NKAIN3: variants seen among roughly 807,000 people sequenced by gnomAD.
NKAIN3 encodes sodium/potassium-transporting ATPase subunit beta-1-interacting protein 3.
Under a neutral mutation model 30.2 loss-of-function variants are expected in NKAIN3, and 25 were observed. That is an observed-to-expected ratio of 0.83 (90% confidence interval 0.60 to 1.16). The LOEUF is 1.16. Among genes scored for constraint, NKAIN3 ranks in the 50% most tolerant of loss-of-function variants. NKAIN3 has a pLI of 0.00. For missense variants in NKAIN3, 225 were observed against 254.1 expected (o/e 0.89, Z 0.78); for synonymous variants, 91 against 89.6 (o/e 1.02, Z -0.09).
In NKAIN3 at chr8:62,938,215, G is replaced by A. The variant is rs1326920412; in HGVS notation, c.533-15687G>A. On this transcript the variant is annotated intron_variant, in intron 5 of 6. Coordinates refer to ENST00000623646, the MANE Select transcript of NKAIN3 (RefSeq NM_001304533.3). The stretch of plus-strand genomic sequence containing the variant: ...GAGTGCTCCTCCAGGTGACCGTAGG[G>A]GAAGTTTGTATCCTCCCTATACTAC... Among the ~76,000 whole-genome samples, 9 of 152,028 alleles carry A rather than the reference G, an allele frequency of 5.9e-5. No individual in the cohort carries two copies. In the East Asian group the frequency reaches 1.4e-3, roughly 23 times the overall value.
chr8:62,290,952 C>T (rs869240620), intron 1 of NKAIN3, among the ~76,000 whole-genome samples: 1 of 152,082 alleles, frequency 6.6e-6, no homozygotes, highest in East Asian at 1.9e-4. Context: ...CCACTTCTTC[C>T]TGGTTTAGTC....
At chr8:62,394,981 G>T (rs1235848646) in intron 1 of NKAIN3, among the ~76,000 whole-genome samples, 32 of 129,704 alleles carry the variant, frequency 2.5e-4, no homozygotes, top group Admixed American at 1.4e-3. Flanking sequence ...TCCCAGACGG[G>T]TCGGCGGCCG....
chr8:62,974,599 A>T lies in NKAIN3; in HGVS notation c.*9192A>T, dbSNP rs1823904923. ...GGTTTTCTAAATGTACAACCATATC[A>T]TCTGCAAACAGAGATAATTTGACTT... is the stretch of plus-strand genomic sequence containing the variant. On this transcript the variant is annotated 3_prime_UTR_variant, in exon 7 of 7. Transcript: ENST00000623646. Among the ~76,000 whole-genome samples, 1 of 152,202 alleles carries T rather than the reference A, an allele frequency of 6.6e-6. No homozygotes were observed. The highest frequency in any genetic ancestry group is 2.4e-5 in the African/African-American group (1 of 41,436).
rs553194731 is a variant in NKAIN3, at chr8:62,815,962, T to G, written c.471+68833T>G. Among the ~76,000 whole-genome samples the G allele has an allele frequency of 2.4e-4, 37 of 152,328 alleles. 1 individual carries two copies. The highest frequency in any genetic ancestry group is 3.4e-3 in the Middle Eastern group (1 of 294). ...TTTCAAGATTTTGTTGAATTATCTA[T>G]CTGTACTCCCTTGTTTCTCACTGAA... is the stretch of plus-strand genomic sequence containing the variant. On this transcript the variant is annotated intron_variant, in intron 4 of 6. Transcript: ENST00000623646.
chr8:62,561,119 T>G (rs543382952), intron 1 of NKAIN3, among the ~76,000 whole-genome samples: 9 of 152,166 alleles, frequency 5.9e-5, no homozygotes, highest in African/African-American at 2.2e-4. Context: ...GATATGGAGG[T>G]GAGGGGCTTT....
In NKAIN3 at chr8:62,698,381, C is replaced by A. The variant is rs148130781; in HGVS notation, c.274-48551C>A. On this transcript the variant is annotated intron_variant, in intron 3 of 6. Coordinates refer to ENST00000623646, the MANE Select transcript of NKAIN3 (RefSeq NM_001304533.3). The stretch of plus-strand genomic sequence containing the variant: ...CCCACATAGAACAGAAGTTCAAGTT[C>A]TTCTCTCATCTGAGTCCCCTACTCA... Among the ~76,000 whole-genome samples, 80 of 152,290 alleles carry A rather than the reference C, an allele frequency of 5.3e-4. No individual in the cohort carries two copies. The East Asian group carries it at 0.014, about 26-fold the overall frequency.
At chr8:62,414,184 C>T (rs373061650) in intron 1 of NKAIN3, among the ~76,000 whole-genome samples, 3 of 152,112 alleles carry the variant, frequency 2.0e-5, no homozygotes, top group East Asian at 3.9e-4. Context: ...GCATTCCAGC[C>T]TTCAGTACAG....
Position 62,741,420 on chromosome 8 carries a change from A to AGGC in NKAIN3, c.274-5512_274-5511insGGC, listed in dbSNP as rs1815882150. Among the ~76,000 whole-genome samples, 150 of 136,418 alleles carry AGGC rather than the reference A, an allele frequency of 1.1e-3. 1 individual carries two copies. The highest frequency in any genetic ancestry group is 4.3e-3 in the African/African-American group (143 of 32,988). The allele number at this position is 136,418 out of a possible 152,430, so 89.5% of individuals were successfully genotyped here. On this transcript the variant is annotated intron_variant, in intron 3 of 6. Coordinates refer to ENST00000623646, the MANE Select transcript of NKAIN3 (RefSeq NM_001304533.3). ...GAAGGAAGGAAGGAAGGAAGGAAGG[A>AGGC]AGGCAGGCAAGCAAGCAAGCACACT...
At chr8:62,645,381 T>G (rs1812430733) in intron 3 of NKAIN3, among the ~76,000 whole-genome samples, 1 of 152,148 alleles carries the variant, frequency 6.6e-6, no homozygotes, top group South Asian at 2.1e-4. Context: ...ATGACAGAAT[T>G]TATTTATGAC....
At position 62,943,902 on chromosome 8, in the gene NKAIN3, C is replaced by T. The variant is rs181621437; in HGVS notation, c.533-10000C>T. On this transcript the variant is annotated intron_variant, in intron 5 of 6. Transcript: ENST00000623646. ...GAGATTATTATTCTAAGTGAAGTAA[C>T]TCAGGAATGGAAAACCAAACATTGT... Among the ~76,000 whole-genome samples, 351 of 151,130 alleles carry T rather than the reference C, an allele frequency of 2.3e-3. 2 individuals carry two copies. Among genetic ancestry groups the T allele is most frequent in the Middle Eastern group, 6.8e-3 (2 of 292 alleles).
chr8:62,283,438 A>G (rs1439580652), intron 1 of NKAIN3, among the ~76,000 whole-genome samples: 1 of 152,194 alleles, frequency 6.6e-6, no homozygotes, highest in Non-Finnish European at 1.5e-5. Flanking sequence ...AGAAAATTTA[A>G]ATTGGATCCC....
At chr8:62,503,474 G>T (rs966484095) in intron 1 of NKAIN3, among the ~76,000 whole-genome samples, 12 of 152,142 alleles carry the variant, frequency 7.9e-5, no homozygotes, top group African/African-American at 2.9e-4. Context: ...AGAAAACAGG[G>T]TTCGAGAGCA....
chr8:62,808,519 C>T lies in NKAIN3; in HGVS notation c.471+61390C>T, dbSNP rs190003499. Among the ~76,000 whole-genome samples the T allele has an allele frequency of 4.0e-3, 606 of 152,058 alleles. 3 individuals are homozygous for T. The highest frequency in any genetic ancestry group is 9.6e-3 in the African/African-American group (399 of 41,460). On this transcript the variant is annotated intron_variant, in intron 4 of 6. Coordinates refer to ENST00000623646, the MANE Select transcript of NKAIN3 (RefSeq NM_001304533.3). ...GTTCTTTTCTATTTTCCCTAAGTGTCGACCGGTCTGAGAAATAAGGGGAAA... is the reference window on the plus strand; with the variant it reads ...GTTCTTTTCTATTTTCCCTAAGTGTTGACCGGTCTGAGAAATAAGGGGAAA...
chr8:62,356,741 C>G (rs1434465226), intron 1 of NKAIN3, among the ~76,000 whole-genome samples: 1 of 152,060 alleles, frequency 6.6e-6, no homozygotes, highest in Non-Finnish European at 1.5e-5. Flanking sequence ...TTAAAATCTT[C>G]CAGTGGTTGA....
intron 1 of NKAIN3, among the ~76,000 whole-genome samples, chr8:62,286,682 T>C (rs55737753): frequency 0.062 from 9,451 of 152,152 alleles, 977 homozygotes; most frequent in African/African-American, 0.21. Context: ...ATAAAGAATC[T>C]GTACTTTCAA....
At chr8:62,602,791 G>A (rs1172730718) in intron 3 of NKAIN3, among the ~76,000 whole-genome samples, 1 of 152,094 alleles carries the variant, frequency 6.6e-6, no homozygotes, top group Non-Finnish European at 1.5e-5. Flanking sequence ...CTCTGCTGAT[G>A]AATCTCCAAA....
At chr8:62,428,291 C>T (rs1007874041) in intron 1 of NKAIN3, among the ~76,000 whole-genome samples, 1 of 151,862 alleles carries the variant, frequency 6.6e-6, no homozygotes, top group African/African-American at 2.4e-5. Flanking sequence ...GTGAATGGTT[C>T]TTCAATAAAC....
intron 1 of NKAIN3, among the ~76,000 whole-genome samples, chr8:62,301,211 G>A (rs1025797363): frequency 1.3e-5 from 2 of 151,824 alleles, no homozygotes; most frequent in Admixed American, 1.3e-4. Flanking sequence ...AGTAAATAGT[G>A]TATTTTTAAT....
At chr8:62,646,903 C>T (rs1292634664) in intron 3 of NKAIN3, among the ~76,000 whole-genome samples, 1 of 152,098 alleles carries the variant, frequency 6.6e-6, no homozygotes, top group African/African-American at 2.4e-5. Flanking sequence ...ATGTCAGCTC[C>T]AAGATGCATC....
Sources: gnomAD v4.1 joint callset for allele counts (sites outside exome capture counted in the v4.1 genomes callset) on GRCh38, gnomAD v4.1.1 for gene constraint, MANE v1.5 for transcripts, NCBI Gene and HGNC (gene_info 2026-07-23, HGNC 2026-07-21) for gene names.